Variants in BST1 observed in about 807,000 individuals in gnomAD.
BST1 encodes bone marrow stromal cell antigen 1.
BST1 carries 49 observed loss-of-function variants against 40.6 expected under a neutral mutation model. That is an observed-to-expected ratio of 1.21 (90% confidence interval 0.96 to 1.53). The LOEUF (loss-of-function observed/expected upper bound fraction) is 1.53, where lower values mean the gene tolerates loss of function less well. Among genes scored for constraint, BST1 ranks in the 40% most tolerant of loss-of-function variants. The pLI, the probability that BST1 is intolerant of heterozygous loss-of-function variation, is 0.00. For synonymous variants in BST1, 157 were observed against 159.3 expected (o/e 0.99, Z 0.11); for missense variants, 423 against 395.9 (o/e 1.07, Z -0.58).
the BST1 span, among the ~76,000 whole-genome samples, chr4:15,774,082 A>G: frequency 2.6e-5 from 4 of 152,214 alleles, no homozygotes; most frequent in Non-Finnish European, 4.4e-5. Context: ...CAAATTCACT[A>G]TGACTGGTGT....
intron 4 of BST1, among the ~76,000 whole-genome samples, chr4:15,714,237 A>G (rs945419561): frequency 2.0e-5 from 3 of 152,156 alleles, no homozygotes; most frequent in African/African-American, 7.2e-5. Flanking sequence ...ATTGTGTATC[A>G]CTTTGCTAGG....
At chr4:15,709,131 C>T (rs1202275188) in intron 3 of BST1, among the ~76,000 whole-genome samples, 3 of 152,094 alleles carry the variant, frequency 2.0e-5, no homozygotes, top group Non-Finnish European at 4.4e-5. Flanking sequence ...AAAATTAAAA[C>T]AGGTAATAAG....
intron 4 of BST1, among the ~76,000 whole-genome samples, chr4:15,713,018 A>G (rs3756245): frequency 0.091 from 13,871 of 152,126 alleles, 803 homozygotes; most frequent in Non-Finnish European, 0.13. Context: ...ACAAACCACC[A>G]CCTTATACTT....
chr4:15,742,998 A>T (rs1407846873), downstream of BST1, among the ~76,000 whole-genome samples: 1 of 152,264 alleles, frequency 6.6e-6, no homozygotes, highest in African/African-American at 2.4e-5. Flanking sequence ...GTTTCAGATG[A>T]GCCACTTATT....
At chr4:15,734,652 T>A (rs1449303926), downstream of BST1, among the ~76,000 whole-genome samples, 1 of 152,010 alleles carries the variant, frequency 6.6e-6, no homozygotes, top group Non-Finnish European at 1.5e-5. Flanking sequence ...GGCATCTAAT[T>A]GTGTGGATGT....
At chr4:15,716,348 TA>T (rs1011763317) in intron 6 of BST1, among the ~76,000 whole-genome samples, 1 of 152,174 alleles carries the variant, frequency 6.6e-6, no homozygotes, top group Non-Finnish European at 1.5e-5. Flanking sequence ...AAACTCAAGA[TA>T]AAAAAGTTAA....
the BST1 span, among the ~76,000 whole-genome samples, chr4:15,773,163 C>A: frequency 6.6e-6 from 1 of 152,110 alleles, no homozygotes; most frequent in African/African-American, 2.4e-5. Context: ...GTTAGTGGCA[C>A]TGGAGATGAA....
intron 2 of BST1, 97 bp downstream of exon 2, chr4:15,705,738 T>A (rs878910771): frequency 6.8e-7 from 1 of 1,464,948 alleles, no homozygotes; most frequent in Admixed American, 1.7e-5. Context: ...CCCTGCATCC[T>A]GCAATGTCAC....
Position 15,728,912 on chromosome 4 carries a change from C to T in BST1, c.852-2828C>T, listed in dbSNP as rs1721251317. ...CCTTCTGCCTTGGCCTCCCAAAGTGCTGGGATTATAGGTGTGAACCACCAT... is the reference window on the plus strand; with the variant it reads ...CCTTCTGCCTTGGCCTCCCAAAGTGTTGGGATTATAGGTGTGAACCACCAT... On this transcript the variant is annotated intron_variant, in intron 8 of 8. Coordinates refer to ENST00000265016, the MANE Select transcript of BST1 (RefSeq NM_004334.3). 2.0e-5 allele frequency among the ~76,000 whole-genome samples: 3 copies of T among 152,104 alleles called. No homozygotes were observed. In the South Asian group the frequency reaches 6.2e-4, roughly 31 times the overall value.
chr4:15,736,165 C>T (rs1385451141), downstream of BST1: 15 of 1,263,860 alleles, frequency 1.2e-5, no homozygotes, highest in Non-Finnish European at 1.5e-5. Flanking sequence ...TCATTGCCTC[C>T]TGACTGATCT....
intron 3 of BST1, among the ~76,000 whole-genome samples, chr4:15,710,328 T>G (rs1288573833): frequency 6.6e-6 from 1 of 152,178 alleles, no homozygotes; most frequent in Non-Finnish European, 1.5e-5. Flanking sequence ...AAATTGTATA[T>G]ATTTATGGCA....
At chr4:15,741,710 A>G (rs1721749135), downstream of BST1, among the ~76,000 whole-genome samples, 1 of 152,224 alleles carries the variant, frequency 6.6e-6, no homozygotes, top group Non-Finnish European at 1.5e-5. Context: ...ATTTTAGTGT[A>G]TAAAGTTTTA....
chr4:15,752,813 C>T, the BST1 span, among the ~76,000 whole-genome samples: 3 of 152,088 alleles, frequency 2.0e-5, no homozygotes, highest in East Asian at 1.9e-4. Flanking sequence ...GCCTTGCAGG[C>T]TATTTCACTG....
At chr4:15,766,816 C>A in the BST1 span, among the ~76,000 whole-genome samples, 122 of 149,300 alleles carry the variant, frequency 8.2e-4, no homozygotes, top group African/African-American at 2.6e-3. Context: ...AAAAGACCTC[C>A]CTAAAAAAAA....
intron 3 of BST1, among the ~76,000 whole-genome samples, chr4:15,710,924 G>A (rs1349608174): frequency 6.6e-6 from 1 of 151,994 alleles, no homozygotes; most frequent in Non-Finnish European, 1.5e-5. Context: ...TGAGTAGCTG[G>A]GACTACAGAT....
downstream of BST1, among the ~76,000 whole-genome samples, chr4:15,734,281 G>C (rs1721485414): frequency 6.6e-6 from 1 of 152,168 alleles, no homozygotes; most frequent in African/African-American, 2.4e-5. Context: ...GGTGGTGATT[G>C]CATGAATCCA....
the BST1 span, among the ~76,000 whole-genome samples, chr4:15,748,113 T>A: frequency 6.6e-6 from 1 of 152,226 alleles, no homozygotes; most frequent in African/African-American, 2.4e-5. Flanking sequence ...TTTTATCAAC[T>A]CATTCTTTCT....
the BST1 span, among the ~76,000 whole-genome samples, chr4:15,768,875 G>A: frequency 3.0e-4 from 46 of 152,130 alleles, no homozygotes; most frequent in South Asian, 8.9e-3. Context: ...CCACAGACCC[G>A]TACCCAAGAG....
the BST1 span, among the ~76,000 whole-genome samples, chr4:15,749,694 AT>A: frequency 0.25 from 37,232 of 151,908 alleles, 5,065 homozygotes; most frequent in East Asian, 0.53. Context: ...TTTGAAATTT[AT>A]TTTTTTGTGG....
Sources: allele counts gnomAD v4.1 joint callset (sites outside exome capture counted in the v4.1 genomes callset), GRCh38; gene constraint gnomAD v4.1.1; transcripts MANE v1.5; gene names NCBI Gene and HGNC (gene_info 2026-07-23, HGNC 2026-07-21).